The following GRID2 variants were observed in gnomAD, a reference collection of about 807,000 sequenced individuals.
The protein encoded by GRID2 is glutamate receptor ionotropic, delta-2.
GRID2 carries 33 observed loss-of-function variants against 114.8 expected under a neutral mutation model. The ratio of observed to expected loss-of-function variants is 0.29; its 90% CI spans 0.22 to 0.38. GRID2 has a LOEUF of 0.38. Among genes scored for constraint, GRID2 ranks in the 10% least tolerant of loss-of-function variants. The pLI is 1.00. For missense variants in GRID2, 1,184 were observed against 1,257.7 expected (o/e 0.94, Z 0.89); for synonymous variants, 505 against 449.9 (o/e 1.12, Z -1.55).
chr4:92,402,830 G>C (rs971358161), intron 1 of GRID2, among the ~76,000 whole-genome samples: 1 of 152,132 alleles, frequency 6.6e-6, no homozygotes, highest in Admixed American at 6.6e-5. Flanking sequence ...ATCCTTTGAA[G>C]CTTCGAAGGC....
intron 1 of GRID2, among the ~76,000 whole-genome samples, chr4:93,788,493 A>C (rs1342582575): frequency 4.6e-5 from 7 of 152,160 alleles, no homozygotes; most frequent in African/African-American, 1.7e-4. Context: ...ATATATATAC[A>C]CACACATATG....
At chr4:93,596,315 C>A (rs367848506) in intron 13 of GRID2, among the ~76,000 whole-genome samples, 1 of 152,112 alleles carries the variant, frequency 6.6e-6, no homozygotes, top group Admixed American at 6.5e-5. Flanking sequence ...TGCGGTGGCT[C>A]ACGCCTGCAG....
At chr4:92,567,115 G>A (rs1303847113) in intron 1 of GRID2, among the ~76,000 whole-genome samples, 4 of 151,984 alleles carry the variant, frequency 2.6e-5, no homozygotes, top group South Asian at 2.1e-4. Context: ...TTACAGAAAA[G>A]TAATATGTTA....
At chr4:93,217,460 G>A (rs1029365115) in intron 6 of GRID2, among the ~76,000 whole-genome samples, 2 of 151,996 alleles carry the variant, frequency 1.3e-5, no homozygotes, top group South Asian at 2.1e-4. Flanking sequence ...TCTGAACAGC[G>A]AAACAGAGAA....
intron 2 of GRID2, among the ~76,000 whole-genome samples, chr4:93,009,957 C>G (rs1323475380): frequency 6.6e-6 from 1 of 151,908 alleles, no homozygotes; most frequent in East Asian, 1.9e-4. Context: ...TTATTTTGGC[C>G]TCTTTCTGTC....
intron 8 of GRID2, among the ~76,000 whole-genome samples, chr4:93,265,848 G>C (rs1425018405): frequency 6.6e-6 from 1 of 152,130 alleles, no homozygotes; most frequent in Non-Finnish European, 1.5e-5. Flanking sequence ...GACTAGAGGA[G>C]AGCTTTAGTA....
At chr4:93,188,439 C>G (rs1044713483) in intron 4 of GRID2, among the ~76,000 whole-genome samples, 1 of 152,172 alleles carries the variant, frequency 6.6e-6, no homozygotes, top group South Asian at 2.1e-4. Context: ...TAAAATTTTT[C>G]TGTTCCCAAG....
chr4:93,431,690 A>G (rs1769426603), intron 10 of GRID2, among the ~76,000 whole-genome samples: 1 of 152,154 alleles, frequency 6.6e-6, no homozygotes, highest in Non-Finnish European at 1.5e-5. Context: ...AGAGGGGAAG[A>G]AAGAGATAAT....
intron 8 of GRID2, among the ~76,000 whole-genome samples, chr4:93,286,410 C>T (rs981968492): frequency 1.3e-5 from 2 of 152,112 alleles, no homozygotes; most frequent in Non-Finnish European, 2.9e-5. Context: ...TTTACAAATT[C>T]ATCTTCTATT....
Position 92,831,817 on chromosome 4 carries a change from G to A in GRID2, c.244+241531G>A, listed in dbSNP as rs145519134. 4.5e-3 allele frequency among the ~76,000 whole-genome samples: 690 copies of A among 151,964 alleles called. 2 individuals are homozygous for A. Among genetic ancestry groups the A allele is most frequent in the African/African-American group, 0.01 (425 of 41,430 alleles). The stretch of plus-strand genomic sequence containing the variant: ...TGAGGCTGCAGTGAGCTGAGATCAC[G>A]CCACTATACTCTAGACTGGGAGACA... On this transcript the variant is annotated intron_variant, in intron 2 of 15. Transcript: ENST00000282020.
At chr4:92,783,610 T>C (rs1375144831) in intron 2 of GRID2, among the ~76,000 whole-genome samples, 1 of 151,980 alleles carries the variant, frequency 6.6e-6, no homozygotes, top group East Asian at 1.9e-4. Context: ...AAGGCCAGAG[T>C]TGGTGGCTTA....
chr4:93,608,286 A>ATTT (rs1233562286), intron 13 of GRID2, among the ~76,000 whole-genome samples: 1 of 84,032 alleles, frequency 1.2e-5, no homozygotes, highest in African/African-American at 5.2e-5. Context: ...ACTGAAAATT[A>ATTT]TTTTTTTTTC....
intron 8 of GRID2, among the ~76,000 whole-genome samples, chr4:93,267,733 C>A (rs1260234980): frequency 6.6e-6 from 1 of 152,228 alleles, no homozygotes; most frequent in Non-Finnish European, 1.5e-5. Flanking sequence ...ATCCCACAGT[C>A]ACCTCTCAGT....
At chr4:93,362,185 G>A (rs1583337) in intron 8 of GRID2, among the ~76,000 whole-genome samples, 73,441 of 151,876 alleles carry the variant, frequency 0.48, 18,791 homozygotes, top group East Asian at 0.7. Flanking sequence ...AACTTTTCTC[G>A]ATACTAGATT....
intron 1 of GRID2, among the ~76,000 whole-genome samples, chr4:92,358,499 G>A (rs540574167): frequency 1.3e-5 from 2 of 151,992 alleles, no homozygotes; most frequent in Admixed American, 6.6e-5. Flanking sequence ...ATTCTTCAAG[G>A]AAGAGGAATT....
intron 4 of GRID2, among the ~76,000 whole-genome samples, chr4:93,141,708 C>A (rs183418913): frequency 3.4e-4 from 52 of 152,344 alleles, no homozygotes; most frequent in Non-Finnish European, 1.8e-4. Context: ...TTACCTGACA[C>A]TGGACACATT....
intron 4 of GRID2, among the ~76,000 whole-genome samples, chr4:93,147,689 A>G (rs1736390401): frequency 6.6e-6 from 1 of 152,118 alleles, no homozygotes; most frequent in African/African-American, 2.4e-5. Context: ...GAAAGGGAGG[A>G]AAGAAAAAAG....
intron 2 of GRID2, among the ~76,000 whole-genome samples, chr4:92,665,352 T>C (rs1320974742): frequency 2.0e-5 from 3 of 150,946 alleles, no homozygotes; most frequent in Non-Finnish European, 4.5e-5. Context: ...AGTTCAGCTG[T>C]TGATGTAACA....
chr4:92,572,066 A>T (rs1315360084), intron 1 of GRID2, among the ~76,000 whole-genome samples: 2 of 152,086 alleles, frequency 1.3e-5, no homozygotes, highest in Non-Finnish European at 2.9e-5. Context: ...AGACACAAAA[A>T]ACCCTTCAAA....
Sources: allele counts gnomAD v4.1 joint callset (sites outside exome capture counted in the v4.1 genomes callset), GRCh38; gene constraint gnomAD v4.1.1; transcripts MANE v1.5; gene names NCBI Gene and HGNC (gene_info 2026-07-23, HGNC 2026-07-21).